The following ZBTB20 variants were observed in gnomAD, a reference collection of about 807,000 sequenced individuals.
The protein encoded by ZBTB20 is zinc finger and BTB domain containing 20, also known as zinc finger and BTB domain-containing protein 20.
ZBTB20 carries 9 observed loss-of-function variants against 56.9 expected under a neutral mutation model. The observed-to-expected ratio is 0.16, with a 90% CI of 0.10 to 0.28. ZBTB20 has a LOEUF of 0.28. ZBTB20 is among the 10% of genes least tolerant of loss of function. The probability of loss-of-function intolerance (pLI) is 1.00; values close to 1 mark genes in which losing one functional copy is unlikely to be tolerated. For missense variants in ZBTB20, 655 were observed against 1,003.0 expected (o/e 0.65, Z 4.69); for synonymous variants, 417 against 420.7 (o/e 0.99, Z 0.11).
rs560567554 is a variant in ZBTB20 at position 114,686,624 on chromosome 3, G to C, written c.-295+6904C>G. 3.3e-5 allele frequency among the ~76,000 whole-genome samples: 5 copies of C among 152,208 alleles called. No individual in the cohort carries two copies. The South Asian group carries it at 8.3e-4, about 25-fold the overall frequency. On this transcript the variant is annotated intron_variant, in intron 6 of 11. Transcript: ENST00000675478. ...TCTCACATATGCCCGTTTCTCTTTT[G>C]TTTTCTAATATACCTTTCTCTATCA...
chr3:114,964,048 G>A (rs570796326), intron 3 of ZBTB20, among the ~76,000 whole-genome samples: 1 of 152,222 alleles, frequency 6.6e-6, no homozygotes, highest in African/African-American at 2.4e-5. Context: ...TTTGAGCTAA[G>A]CACAAAAATG....
At chr3:114,820,555 A>G (rs1277480323) in intron 4 of ZBTB20, among the ~76,000 whole-genome samples, 4 of 152,064 alleles carry the variant, frequency 2.6e-5, no homozygotes, top group Admixed American at 2.6e-4. Context: ...AGTGTACATT[A>G]CCTTTTAATC....
intron 6 of ZBTB20, among the ~76,000 whole-genome samples, chr3:114,556,467 T>C (rs927150560): frequency 6.7e-6 from 1 of 149,700 alleles, no homozygotes; most frequent in Admixed American, 6.6e-5. Context: ...GTAGCATCCA[T>C]ATGAAGTCAC....
intron 3 of ZBTB20, among the ~76,000 whole-genome samples, chr3:114,916,285 C>T (rs1234564628): frequency 6.6e-6 from 1 of 151,930 alleles, no homozygotes; most frequent in African/African-American, 2.4e-5. Context: ...CTAAACTGAC[C>T]CCTTTATAAT....
chr3:115,099,241 G>C (rs2083489903), intron 1 of ZBTB20, among the ~76,000 whole-genome samples: 1 of 152,120 alleles, frequency 6.6e-6, no homozygotes, highest in Non-Finnish European at 1.5e-5. Context: ...TCCCCAAAAT[G>C]TTAAATGAAT....
rs371319075 is a variant in ZBTB20 at position 114,316,594 on chromosome 3, T to C, written c.*22411A>G. ...CGTTTCAACTGGAGATAAACTGAAC[T>C]GGGTTCAGACACTAGCACATGCTTA... is the stretch of plus-strand genomic sequence containing the variant. On this transcript the variant is annotated 3_prime_UTR_variant, in exon 12 of 12. Transcript: ENST00000675478. 7.3e-5 allele frequency: 39 copies of C among 533,542 alleles called. No homozygotes were observed. The highest frequency in any genetic ancestry group is 7.1e-4 in the African/African-American group (37 of 52,024). The allele number at this position is 533,542 out of a possible 1,614,324, so 33.1% of individuals were successfully genotyped here. A position where few individuals can be genotyped will look rare whatever the true frequency, so the allele number is the denominator to read the frequency against.
chr3:114,607,964 G>A (rs1203650882), intron 6 of ZBTB20, among the ~76,000 whole-genome samples: 1 of 152,140 alleles, frequency 6.6e-6, no homozygotes, highest in Non-Finnish European at 1.5e-5. Flanking sequence ...TTCTTTAACA[G>A]TACAACTGAA....
At chr3:114,765,069 G>A (rs561132776) in intron 5 of ZBTB20, among the ~76,000 whole-genome samples, 3 of 152,266 alleles carry the variant, frequency 2.0e-5, no homozygotes, top group Admixed American at 2.0e-4. Flanking sequence ...AGAATGAAGA[G>A]GAGACAGAGG....
At chr3:115,143,258 C>T (rs950601429) in intron 1 of ZBTB20, among the ~76,000 whole-genome samples, 4 of 152,160 alleles carry the variant, frequency 2.6e-5, no homozygotes, top group African/African-American at 9.7e-5. Flanking sequence ...CAGAAAAGTG[C>T]CAATCAAATG....
At chr3:115,096,210 T>C (rs1240579690) in intron 1 of ZBTB20, among the ~76,000 whole-genome samples, 2 of 152,184 alleles carry the variant, frequency 1.3e-5, no homozygotes, top group Non-Finnish European at 2.9e-5. Context: ...ACCTGTCCGA[T>C]TGCTAGTGTT....
chr3:115,143,806 C>G (rs907283995), intron 1 of ZBTB20, among the ~76,000 whole-genome samples: 1 of 152,146 alleles, frequency 6.6e-6, no homozygotes, highest in African/African-American at 2.4e-5. Flanking sequence ...ACAAAAGGTA[C>G]AAATAAGAAA....
At chr3:115,082,552 T>C (rs962061897) in intron 1 of ZBTB20, among the ~76,000 whole-genome samples, 3 of 152,030 alleles carry the variant, frequency 2.0e-5, no homozygotes, top group African/African-American at 7.2e-5. Flanking sequence ...AGTAAACATA[T>C]GGACAAACGG....
chr3:114,439,207 A>G (rs1458221836), intron 7 of ZBTB20, among the ~76,000 whole-genome samples: 1 of 152,068 alleles, frequency 6.6e-6, no homozygotes, highest in East Asian at 1.9e-4. Flanking sequence ...CAAAACAAGC[A>G]GAAGTCACTA....
At chr3:114,456,683 G>A (rs2092042622) in intron 7 of ZBTB20, among the ~76,000 whole-genome samples, 2 of 152,140 alleles carry the variant, frequency 1.3e-5, no homozygotes, top group Admixed American at 1.3e-4. Context: ...ATATGATCAT[G>A]TTCACTAAGG....
chr3:114,410,099 T>C (rs1401421637), intron 7 of ZBTB20, among the ~76,000 whole-genome samples: 3 of 152,100 alleles, frequency 2.0e-5, no homozygotes, highest in Non-Finnish European at 4.4e-5. Context: ...ATCCAGCAGA[T>C]GTTTCTTCTG....
intron 5 of ZBTB20, among the ~76,000 whole-genome samples, chr3:114,789,081 A>G (rs1446987472): frequency 6.6e-6 from 1 of 152,150 alleles, no homozygotes; most frequent in Non-Finnish European, 1.5e-5. Flanking sequence ...GAGCCAAACC[A>G]TATCAGGGGA....
At chr3:114,998,924 C>A (rs759279126) in intron 2 of ZBTB20, among the ~76,000 whole-genome samples, 5 of 144,530 alleles carry the variant, frequency 3.5e-5, no homozygotes, top group Non-Finnish European at 6.0e-5. Context: ...TAACTGAAGC[C>A]AGAAAATTGG....
chr3:115,147,173 CCT>C (rs1367661113), intron 1 of ZBTB20, 44 bp downstream of exon 1: 3 of 150,112 alleles, frequency 2.0e-5, no homozygotes, highest in Non-Finnish European at 4.4e-5. Context: ...CACACTCCTC[CCT>C]CTCTCCCGCC....
intron 6 of ZBTB20, among the ~76,000 whole-genome samples, chr3:114,507,805 G>A (rs906992646): frequency 6.6e-6 from 1 of 152,066 alleles, no homozygotes; most frequent in African/African-American, 2.4e-5. Flanking sequence ...TCACAATACA[G>A]TTGAGTAAAA....
Sources: gnomAD v4.1 joint callset for allele counts (sites outside exome capture counted in the v4.1 genomes callset) on GRCh38, gnomAD v4.1.1 for gene constraint, MANE v1.5 for transcripts, NCBI Gene and HGNC (gene_info 2026-07-23, HGNC 2026-07-21) for gene names.